Variants in STXBP6 observed in about 807,000 individuals in gnomAD.
The protein encoded by STXBP6 is syntaxin binding protein 6.
In STXBP6, 21 loss-of-function variants were observed where a neutral mutation model predicts 26.9. The observed-to-expected ratio is 0.78, with a 90% CI of 0.55 to 1.12. STXBP6 has a LOEUF of 1.12. Ranked by LOEUF, STXBP6 falls within the 50% of genes most tolerant of loss-of-function variation. STXBP6 has a pLI of 0.00. For missense variants in STXBP6, 232 were observed against 257.9 expected (o/e 0.90, Z 0.69); for synonymous variants, 97 against 92.6 (o/e 1.05, Z -0.27).
At chr14:24,964,047 C>A (rs993743365) in intron 2 of STXBP6, among the ~76,000 whole-genome samples, 18 of 151,418 alleles carry the variant, frequency 1.2e-4, no homozygotes, top group African/African-American at 4.1e-4. Flanking sequence ...GAGCTCAAAC[C>A]CAGAAAGTGA....
intron 2 of STXBP6, among the ~76,000 whole-genome samples, chr14:24,889,243 G>A (rs1293897280): frequency 6.6e-6 from 1 of 151,010 alleles, no homozygotes; most frequent in Non-Finnish European, 1.5e-5. Context: ...TAAACAGACC[G>A]TCAAAAGCAA....
chr14:24,849,480 C>T (rs943730914), intron 4 of STXBP6, among the ~76,000 whole-genome samples: 3 of 152,084 alleles, frequency 2.0e-5, no homozygotes, highest in African/African-American at 4.8e-5. Context: ...GTGGAAGTCA[C>T]GGTCTCCATT....
intron 2 of STXBP6, among the ~76,000 whole-genome samples, chr14:24,915,586 T>C (rs1225019738): frequency 6.6e-6 from 1 of 152,140 alleles, no homozygotes; most frequent in African/African-American, 2.4e-5. Flanking sequence ...TTTTTTAAAG[T>C]CATAGAAATT....
chr14:24,870,429 TTTGTACTTCTGCCTATGTA>T, intron 2 of STXBP6, among the ~76,000 whole-genome samples: 2 of 152,188 alleles, frequency 1.3e-5, no homozygotes, highest in Non-Finnish European at 2.9e-5. Flanking sequence ...ACATGTACGG[TTTGTACTTCTGCCTATGTA>T]ATCAAGGTAA....
chr14:24,932,476 C>T (rs558263970), intron 2 of STXBP6, among the ~76,000 whole-genome samples: 30 of 152,134 alleles, frequency 2.0e-4, no homozygotes, highest in African/African-American at 4.6e-4. Context: ...GGTATGATTG[C>T]GCCATTGCAC....
At chr14:24,871,548 G>C (rs537639966) in intron 2 of STXBP6, among the ~76,000 whole-genome samples, 1 of 152,172 alleles carries the variant, frequency 6.6e-6, no homozygotes, top group Non-Finnish European at 1.5e-5. Flanking sequence ...AGATGATGCT[G>C]TCAGGGGCCA....
chr14:24,946,011 C>T (rs1421013470), intron 2 of STXBP6, among the ~76,000 whole-genome samples: 2 of 152,216 alleles, frequency 1.3e-5, no homozygotes, highest in South Asian at 2.1e-4. Context: ...TCGAGACATA[C>T]ACCTTCTTAG....
intron 1 of STXBP6, among the ~76,000 whole-genome samples, chr14:24,990,736 G>C (rs2074448779): frequency 6.6e-6 from 1 of 151,772 alleles, no homozygotes; most frequent in Non-Finnish European, 1.5e-5. Flanking sequence ...AGTGGGAGCT[G>C]AAGCTTTAAG....
At chr14:24,921,630 A>G (rs936364154) in intron 2 of STXBP6, among the ~76,000 whole-genome samples, 1 of 152,134 alleles carries the variant, frequency 6.6e-6, no homozygotes, top group Non-Finnish European at 1.5e-5. Flanking sequence ...TTCTAATACC[A>G]GCTAAAAGGC....
chr14:24,819,535 GA>G, intron 4 of STXBP6: 1 of 519,644 alleles, frequency 1.9e-6, no homozygotes. Flanking sequence ...AAAGATAAAT[GA>G]AAACGTTGAC....
intron 1 of STXBP6, among the ~76,000 whole-genome samples, chr14:25,013,180 T>C (rs572102576): frequency 9.8e-5 from 15 of 152,324 alleles, no homozygotes; most frequent in African/African-American, 3.6e-4. Flanking sequence ...CAATTTCTCT[T>C]TTTCTCTTTC....
In STXBP6 at chr14:24,819,119, C is replaced by T. The variant is rs747548510; in HGVS notation, c.527G>A (p.Arg176His). The T allele has an allele frequency of 1.7e-5, 27 of 1,614,024 alleles. No homozygotes were observed. Among genetic ancestry groups the T allele is most frequent in the Non-Finnish European group, 2.1e-5 (25 of 1,180,004 alleles). The change falls in exon 5 of 6, where the codon CGT becomes CAT. Residue 176 changes from arginine (R) to histidine (H), a missense_variant. Physicochemically the swap from Arg to His is conservative, Grantham distance 29. Coordinates refer to ENST00000323944, the MANE Select transcript of STXBP6 (RefSeq NM_001394410.1). ...CTCTGCTCGGCCTAATCGCTCTCCA[C>T]GCTCATTCAAGGCCTGGCTTGCCTT... ...VQKASQALNE[R>H]GERLGRAEEK... is the part of the protein sequence containing the mutation.
rs760962205 is a variant in STXBP6 at position 24,897,642 on chromosome 14, T to C, written c.155-40485A>G. Among the ~76,000 whole-genome samples, 58 of 152,114 alleles carry C rather than the reference T, an allele frequency of 3.8e-4. 1 individual carries two copies. The highest frequency in any genetic ancestry group is 6.8e-4 in the Non-Finnish European group (46 of 68,014). Reference sequence around the variant, plus strand: ...AAAATTTCTGAACTCAGAAAAAATTTTGAATTCCACAGTACACCTGGGATT... The same window carrying C: ...AAAATTTCTGAACTCAGAAAAAATTCTGAATTCCACAGTACACCTGGGATT... On this transcript the variant is annotated intron_variant, in intron 2 of 5. Coordinates refer to ENST00000323944, the MANE Select transcript of STXBP6 (RefSeq NM_001394410.1).
At chr14:25,020,147 T>G (rs1160463393) in intron 1 of STXBP6, among the ~76,000 whole-genome samples, 1 of 152,174 alleles carries the variant, frequency 6.6e-6, no homozygotes, top group Non-Finnish European at 1.5e-5. Context: ...CTTGGCCTGT[T>G]CTTGAAGGTT....
intron 1 of STXBP6, among the ~76,000 whole-genome samples, chr14:25,005,887 G>C (rs1186971885): frequency 6.6e-6 from 1 of 151,678 alleles, no homozygotes; most frequent in Non-Finnish European, 1.5e-5. Context: ...TTGGACAATC[G>C]CACAGAGACA....
intron 2 of STXBP6, among the ~76,000 whole-genome samples, chr14:24,929,753 T>C (rs1295608650): frequency 1.3e-5 from 2 of 152,224 alleles, no homozygotes; most frequent in African/African-American, 2.4e-5. Context: ...TCAAATGACC[T>C]CTCCTTCGCC....
chr14:24,875,996 CCAAA>C (rs1210056369), intron 2 of STXBP6, among the ~76,000 whole-genome samples: 1 of 151,854 alleles, frequency 6.6e-6, no homozygotes, highest in African/African-American at 2.4e-5. Flanking sequence ...GTGTATAACA[CCAAA>C]CAGAGTGGAG....
chr14:25,016,108 G>T (rs12432656), intron 1 of STXBP6, among the ~76,000 whole-genome samples: 10,946 of 152,136 alleles, frequency 0.072, 452 homozygotes, highest in South Asian at 0.16. Context: ...AAAATGCTTA[G>T]GTGAGTGCCT....
intron 2 of STXBP6, among the ~76,000 whole-genome samples, chr14:24,894,046 G>C (rs900213974): frequency 7.9e-5 from 12 of 152,186 alleles, no homozygotes; most frequent in Non-Finnish European, 1.6e-4. Context: ...GGTAAAAGTA[G>C]AATGGAAACA....
Sources: gnomAD v4.1 joint callset for allele counts (sites outside exome capture counted in the v4.1 genomes callset) on GRCh38, gnomAD v4.1.1 for gene constraint, MANE v1.5 for transcripts, NCBI Gene and HGNC (gene_info 2026-07-23, HGNC 2026-07-21) for gene names.